Variants in COBLL1 observed in about 807,000 individuals in gnomAD.
COBLL1 encodes the protein cordon-bleu protein-like 1.
COBLL1 carries 50 observed loss-of-function variants against 94.8 expected under a neutral mutation model. The observed-to-expected ratio is 0.53, with a 90% CI of 0.42 to 0.67. The LOEUF is 0.67. Ranked by LOEUF, COBLL1 falls within the 30% of genes least tolerant of loss-of-function variation. COBLL1 has a pLI of 0.00. For missense variants in COBLL1, 1,362 were observed against 1,348.7 expected, an observed-to-expected ratio of 1.01 and a Z score of -0.15; for synonymous variants, 448 against 473.8, an observed-to-expected ratio of 0.95 and a Z score of 0.71.
At chr2:164,706,265 A>T (rs1002537930) in intron 7 of COBLL1, among the ~76,000 whole-genome samples, 5 of 151,986 alleles carry the variant, frequency 3.3e-5, no homozygotes, top group Non-Finnish European at 2.9e-5. Context: ...CCTAAAATAC[A>T]TTATTTTTCT....
chr2:164,691,539 A>T (rs1191314324), intron 13 of COBLL1, among the ~76,000 whole-genome samples: 1 of 152,120 alleles, frequency 6.6e-6, no homozygotes, highest in Non-Finnish European at 1.5e-5. Context: ...CTAAGTGCTG[A>T]TGCCTTGTTC....
intron 2 of COBLL1, among the ~76,000 whole-genome samples, chr2:164,818,693 T>C (rs1458117907): frequency 6.8e-6 from 1 of 146,090 alleles, no homozygotes; most frequent in Admixed American, 6.9e-5. Context: ...ATAGTGTATA[T>C]GTACTTATGT....
At chr2:164,832,543 T>A (rs1035448153) in intron 2 of COBLL1, among the ~76,000 whole-genome samples, 7 of 152,356 alleles carry the variant, frequency 4.6e-5, no homozygotes, top group African/African-American at 1.7e-4. Flanking sequence ...ATAACTCAGC[T>A]TCTTATTCAA....
At chr2:164,706,832 C>T (rs536992281) in intron 7 of COBLL1, among the ~76,000 whole-genome samples, 2 of 152,296 alleles carry the variant, frequency 1.3e-5, no homozygotes, top group South Asian at 4.1e-4. Flanking sequence ...CAAAAAGAAT[C>T]TGCTATCTTT....
rs922873434 is a variant in COBLL1, at chr2:164,728,010, T to A, written c.620A>T (p.Asp207Val). The change falls in exon 5 of 14, where the codon GAC (aspartate) becomes GTC (valine). Residue 207 changes from aspartate (D) to valine (V), a missense_variant. Transcript: ENST00000652658. ...CGCATATAATTCTCTTAGTCCCAGGTCATTAAGAGATTTTGTCAAGTCAAG... is the reference window on the plus strand; with the variant it reads ...CGCATATAATTCTCTTAGTCCCAGGACATTAAGAGATTTTGTCAAGTCAAG... ...EPLDLTKSLN[D>V]LGLRELYAMD... The A allele has an allele frequency of 6.2e-7, 1 of 1,612,828 alleles. No homozygotes were observed. The highest frequency in any genetic ancestry group is 2.2e-5 in the East Asian group (1 of 44,854).
At chr2:164,709,728 A>C (rs1220569793) in intron 7 of COBLL1, among the ~76,000 whole-genome samples, 1 of 152,134 alleles carries the variant, frequency 6.6e-6, no homozygotes, top group Non-Finnish European at 1.5e-5. Flanking sequence ...AAAATAAATA[A>C]ATAAATAAAT....
chr2:164,764,366 G>C (rs1244837904), intron 2 of COBLL1, among the ~76,000 whole-genome samples: 2 of 152,098 alleles, frequency 1.3e-5, no homozygotes, highest in Non-Finnish European at 2.9e-5. Flanking sequence ...AATGTATACT[G>C]CTAGGAGTCC....
At chr2:164,822,805 G>C (rs1685241588) in intron 2 of COBLL1, among the ~76,000 whole-genome samples, 1 of 150,086 alleles carries the variant, frequency 6.7e-6, no homozygotes, top group Admixed American at 6.7e-5. Flanking sequence ...GTCTCACCCT[G>C]TTGCCCAGGC....
intron 2 of COBLL1, among the ~76,000 whole-genome samples, chr2:164,774,598 T>C (rs1484117327): frequency 6.6e-6 from 1 of 152,192 alleles, no homozygotes. Context: ...CTTCCATGTG[T>C]GCAATACTGA....
intron 2 of COBLL1, among the ~76,000 whole-genome samples, chr2:164,773,084 T>C (rs1466267549): frequency 6.6e-6 from 1 of 152,104 alleles, no homozygotes; most frequent in Admixed American, 6.6e-5. Flanking sequence ...ACCAAGAGGG[T>C]TGTTAATACA....
intron 7 of COBLL1, among the ~76,000 whole-genome samples, chr2:164,713,450 G>A (rs1685007404): frequency 6.6e-6 from 1 of 151,994 alleles, no homozygotes; most frequent in Admixed American, 6.6e-5. Flanking sequence ...TATTATGAGA[G>A]GAAGCAATGA....
At chr2:164,831,409 G>T (rs1683068879) in intron 2 of COBLL1, among the ~76,000 whole-genome samples, 1 of 146,342 alleles carries the variant, frequency 6.8e-6, no homozygotes, top group Non-Finnish European at 1.5e-5. Context: ...TATCTAGTAG[G>T]GATCATTTAA....
intron 2 of COBLL1, among the ~76,000 whole-genome samples, chr2:164,765,756 A>G (rs1368097335): frequency 6.6e-6 from 1 of 152,224 alleles, no homozygotes; most frequent in Non-Finnish European, 1.5e-5. Flanking sequence ...ACACAGAAAC[A>G]AAAGAAATTA....
At chr2:164,660,598 C>T (rs1424085324) in intron 2 of COBLL1, among the ~76,000 whole-genome samples, 2 of 152,126 alleles carry the variant, frequency 1.3e-5, no homozygotes, top group African/African-American at 4.8e-5. Context: ...GTATTATACT[C>T]ATACTGTGTT....
intron 9 of COBLL1, 54 bp from the exon 10 acceptor site, chr2:164,700,810 T>G: frequency 9.6e-7 from 1 of 1,036,650 alleles, no homozygotes; most frequent in Non-Finnish European, 1.5e-6. Flanking sequence ...ATTCATCACA[T>G]GCAATTCTGG....
At chr2:164,660,345 T>C (rs1292280899) in intron 2 of COBLL1, among the ~76,000 whole-genome samples, 1 of 152,206 alleles carries the variant, frequency 6.6e-6, no homozygotes, top group Non-Finnish European at 1.5e-5. Flanking sequence ...TTATTGTGTT[T>C]TCTTGTTCCT....
intron 2 of COBLL1, among the ~76,000 whole-genome samples, chr2:164,663,888 T>C (rs1248181908): frequency 6.6e-6 from 1 of 152,144 alleles, no homozygotes; most frequent in Non-Finnish European, 1.5e-5. Context: ...AGCCCAAACT[T>C]CACACAGTAT....
intron 5 of COBLL1, among the ~76,000 whole-genome samples, chr2:164,726,368 T>A (rs1215275732): frequency 6.6e-6 from 1 of 152,116 alleles, no homozygotes; most frequent in Non-Finnish European, 1.5e-5. Flanking sequence ...CTGGTAATTA[T>A]TAGGGTAATC....
At chr2:164,725,932 G>T (rs1685705159) in intron 5 of COBLL1, among the ~76,000 whole-genome samples, 1 of 152,192 alleles carries the variant, frequency 6.6e-6, no homozygotes, top group Non-Finnish European at 1.5e-5. Context: ...TGCATGGTAA[G>T]TTCTAAGTTT....
Sources: allele counts gnomAD v4.1 joint callset (sites outside exome capture counted in the v4.1 genomes callset), GRCh38; gene constraint gnomAD v4.1.1; transcripts MANE v1.5; gene names NCBI Gene and HGNC (gene_info 2026-07-23, HGNC 2026-07-21).